FAR1: variants seen among roughly 807,000 people sequenced by gnomAD.
FAR1 encodes male sterility domain-containing protein 2.
FAR1 carries 22 observed loss-of-function variants against 61.1 expected under a neutral mutation model. The ratio of observed to expected loss-of-function variants is 0.36; its 90% CI spans 0.26 to 0.51. The LOEUF (loss-of-function observed/expected upper bound fraction) is 0.51. FAR1 is among the 20% of genes least tolerant of loss of function. FAR1 has a pLI of 0.95. For synonymous variants in FAR1, 206 were observed against 209.7 expected (o/e 0.98, Z 0.15); for missense variants, 359 against 626.9 (o/e 0.57, Z 4.56).
chr11:13,712,716 TAAG>T (rs1466607599), intron 7 of FAR1, among the ~76,000 whole-genome samples: 1 of 151,930 alleles, frequency 6.6e-6, no homozygotes, highest in African/African-American at 2.4e-5. Flanking sequence ...CCTGCTAATA[TAAG>T]GAGGAAAAAT....
At chr11:13,728,523 G>A in intron 11 of FAR1, 89 bp from the exon 12 acceptor site, 1 of 1,172,062 alleles carries the variant, frequency 8.5e-7, no homozygotes, top group Non-Finnish European at 1.2e-6. Context: ...TTTGAGCTTT[G>A]ATTAAAAACT....
chr11:13,678,725 T>C (rs1486707847), intron 1 of FAR1, among the ~76,000 whole-genome samples: 2 of 151,678 alleles, frequency 1.3e-5, no homozygotes, highest in Non-Finnish European at 2.9e-5. Context: ...TTAGTGGGTC[T>C]TTTTTTTGTT....
chr11:13,694,696 T>A, intron 1 of FAR1, 63 bp from the exon 2 acceptor site: 1 of 1,366,888 alleles, frequency 7.3e-7, no homozygotes, highest in Non-Finnish European at 9.9e-7. Flanking sequence ...ACCAAGAGAT[T>A]TTTAGTATGA....
At chr11:13,723,418 T>C (rs1848635673) in intron 10 of FAR1, 1 of 411,274 alleles carries the variant, frequency 2.4e-6, no homozygotes, top group Non-Finnish European at 4.7e-6. Flanking sequence ...ATATTCTGTC[T>C]TACATTTTTG....
In FAR1 at chr11:13,728,741, A is replaced by C. The variant is rs1316615723; in HGVS notation, c.1515A>C (p.Ser505=). The C allele has an allele frequency of 6.2e-7, 1 of 1,612,124 alleles. No homozygotes were observed. The highest frequency in any genetic ancestry group is 1.7e-5 in the Admixed American group (1 of 59,968). The change falls in exon 12 of 12, where the codon TCA becomes TCC. Residue 505 remains serine (S), a synonymous_variant. Transcript: ENST00000354817. ...FVVSLCYKFL[S]YFRASSTMRY The stretch of plus-strand genomic sequence containing the variant: ...TTAGTCTGTGTTACAAGTTTTTGTC[A>C]TACTTCCGAGCATCCAGCACTATGA...
At chr11:13,720,109 C>G (rs1487662648) in intron 9 of FAR1, 1 of 152,056 alleles carries the variant, frequency 6.6e-6, no homozygotes, top group African/African-American at 2.4e-5. Flanking sequence ...CAAATTTCTT[C>G]CCCCTCCCCG....
At chr11:13,687,059 T>C (rs1848194370) in intron 1 of FAR1, among the ~76,000 whole-genome samples, 1 of 152,204 alleles carries the variant, frequency 6.6e-6, no homozygotes, top group Non-Finnish European at 1.5e-5. Flanking sequence ...CAAGTAAATA[T>C]ATCTTAAGTA....
chr11:13,720,958 T>TATA (rs1798543990), intron 9 of FAR1: 2 of 152,276 alleles, frequency 1.3e-5, no homozygotes, highest in African/African-American at 4.8e-5. Context: ...AGCCATGATA[T>TATA]ATAAAATGAC....
At chr11:13,692,688 G>T (rs1017621597) in intron 1 of FAR1, among the ~76,000 whole-genome samples, 2 of 152,022 alleles carry the variant, frequency 1.3e-5, no homozygotes, top group South Asian at 4.1e-4. Context: ...AAATTCGCTT[G>T]GGGGCTATTA....
chr11:13,698,905 A>G (rs141897347), intron 2 of FAR1, among the ~76,000 whole-genome samples: 1,622 of 152,210 alleles, frequency 0.011, 27 homozygotes, highest in African/African-American at 0.036. Flanking sequence ...TGTGGCTTAA[A>G]AGGCACAGTT....
chr11:13,717,228 C>T lies in FAR1; in HGVS notation c.1127+2548C>T, dbSNP rs1389667260. Among the ~76,000 whole-genome samples, 44 of 151,830 alleles carry T rather than the reference C, an allele frequency of 2.9e-4. 2 individuals are homozygous for T. The highest frequency in any genetic ancestry group is 2.9e-3 in the Admixed American group (44 of 15,226). On this transcript the variant is annotated intron_variant, in intron 9 of 11. Coordinates refer to ENST00000354817, the MANE Select transcript of FAR1 (RefSeq NM_032228.6). ...GAAGCCAGGGTTTTGTCATCTAAAT[C>T]TGGTCAATTGGCGGATGACGCTCTT...
At chr11:13,680,740 T>C (rs1848118207) in intron 1 of FAR1, among the ~76,000 whole-genome samples, 1 of 152,182 alleles carries the variant, frequency 6.6e-6, no homozygotes, top group South Asian at 2.1e-4. Context: ...TAATGAGGAA[T>C]CTGCCCACAT....
intron 3 of FAR1, among the ~76,000 whole-genome samples, chr11:13,701,708 C>A (rs1848377763): frequency 6.6e-6 from 1 of 152,066 alleles, no homozygotes; most frequent in Non-Finnish European, 1.5e-5. Context: ...CAGGTGAGGG[C>A]ACTGTAATAG....
At chr11:13,678,506 C>G (rs1289560199) in intron 1 of FAR1, among the ~76,000 whole-genome samples, 1 of 152,246 alleles carries the variant, frequency 6.6e-6, no homozygotes, top group African/African-American at 2.4e-5. Flanking sequence ...CCTTGTGATC[C>G]ACCCGCCTCG....
chr11:13,692,307 T>C (rs1565342853), intron 1 of FAR1, among the ~76,000 whole-genome samples: 1 of 152,222 alleles, frequency 6.6e-6, no homozygotes, highest in Non-Finnish European at 1.5e-5. Flanking sequence ...GAAATGCTTC[T>C]GGTCCAAAGC....
chr11:13,722,854 CTCTCTA>C (rs950168079), intron 10 of FAR1, among the ~76,000 whole-genome samples: 7 of 141,480 alleles, frequency 4.9e-5, no homozygotes, highest in East Asian at 4.1e-4. Context: ...CTCTCTCTCT[CTCTCTA>C]TATATATATA....
In FAR1 at chr11:13,729,472, T is replaced by G. The variant is rs1848700844; in HGVS notation, c.*698T>G. On this transcript the variant is annotated 3_prime_UTR_variant, in exon 12 of 12. Transcript: ENST00000354817. Reference sequence around the variant, plus strand: ...TGAGAATCCATATCAGCAACATACGTGTTTTTTGACAGAAAGTGAAAACAA... The same window carrying G: ...TGAGAATCCATATCAGCAACATACGGGTTTTTTGACAGAAAGTGAAAACAA... 6.6e-6 allele frequency: 1 copy of G among 151,972 alleles called. No homozygotes were observed. The highest frequency in any genetic ancestry group is 6.6e-5 in the Admixed American group (1 of 15,254). 9.4% of individuals were successfully genotyped at this position (151,972 alleles called of 1,614,324 possible). A position where few individuals can be genotyped will look rare whatever the true frequency, so the allele number is the denominator to read the frequency against.
At chr11:13,700,613 CTG>C (rs1848360805) in intron 3 of FAR1, 121 bp downstream of exon 3, 1 of 592,210 alleles carries the variant, frequency 1.7e-6, no homozygotes, top group Non-Finnish European at 2.7e-6. Context: ...CCTATGTTAA[CTG>C]TGGCTTTCAG....
intron 1 of FAR1, among the ~76,000 whole-genome samples, chr11:13,688,920 A>G (rs542614952): frequency 6.6e-6 from 1 of 152,180 alleles, no homozygotes; most frequent in African/African-American, 2.4e-5. Context: ...TCAGCCTTCA[A>G]GAGTAGCTGG....
Sources: gnomAD v4.1 joint callset for allele counts (sites outside exome capture counted in the v4.1 genomes callset) on GRCh38, gnomAD v4.1.1 for gene constraint, MANE v1.5 for transcripts, NCBI Gene and HGNC (gene_info 2026-07-23, HGNC 2026-07-21) for gene names.